PLEKHH1: variants seen among roughly 807,000 people sequenced by gnomAD.
The protein encoded by PLEKHH1 is pleckstrin homology domain-containing family H member 1.
In PLEKHH1, 104 loss-of-function variants were observed where a neutral mutation model predicts 160.0. The ratio of observed to expected loss-of-function variants is 0.65; its 90% confidence interval spans 0.55 to 0.76. The LOEUF (loss-of-function observed/expected upper bound fraction) is 0.76. Among genes scored for constraint, PLEKHH1 ranks in the 30% least tolerant of loss-of-function variants. The pLI, the probability that PLEKHH1 is intolerant of heterozygous loss-of-function variation, is 0.00. For missense variants in PLEKHH1, 1,427 were observed against 1,724.1 expected (o/e 0.83, Z 3.05); for synonymous variants, 619 against 678.4 (o/e 0.91, Z 1.36).
intron 2 of PLEKHH1, among the ~76,000 whole-genome samples, chr14:67,552,213 C>T (rs2034420071): frequency 6.6e-6 from 1 of 152,148 alleles, no homozygotes; most frequent in African/African-American, 2.4e-5. Flanking sequence ...TGGCGTGTTA[C>T]CCCAGACCCA....
chr14:67,583,146 G>A (rs2140542715), intron 24 of PLEKHH1, among the ~76,000 whole-genome samples: 1 of 152,222 alleles, frequency 6.6e-6, no homozygotes, highest in African/African-American at 2.4e-5. Context: ...TAAGAATCTG[G>A]ATTTACATGC....
At chr14:67,571,959 C>T in intron 10 of PLEKHH1, 57 bp downstream of exon 10, 1 of 1,548,250 alleles carries the variant, frequency 6.5e-7, no homozygotes. Context: ...TCACCTCTTC[C>T]CATGGGCACT....
At chr14:67,583,632 C>A in intron 24 of PLEKHH1, 109 bp from the exon 25 acceptor site, 2 of 757,536 alleles carry the variant, frequency 2.6e-6, no homozygotes, top group Non-Finnish European at 4.1e-6. Context: ...ACCACTCGCA[C>A]CCCACCAATA....
At chr14:67,549,069 T>C (rs1324872317) in intron 2 of PLEKHH1, among the ~76,000 whole-genome samples, 1 of 152,170 alleles carries the variant, frequency 6.6e-6, no homozygotes, top group East Asian at 1.9e-4. Context: ...AAATATCTCA[T>C]ACTTTGTGAC....
Position 67,573,681 on chromosome 14 carries a change from C to A in PLEKHH1, c.1840-120C>A. On this transcript the variant is annotated intron_variant, in intron 12 of 28. Transcript: ENST00000329153. The surrounding 1 kb of genome is among the most constrained non-coding windows in gnomAD (Gnocchi z 4.8). ...AATAAGTCACCCATCATAACACAGC[C>A]AGAATGCTGGGAATCATGTTTCCCT... 1 of 748,706 alleles carries A rather than the reference C, an allele frequency of 1.3e-6. No individual in the cohort carries two copies. Among genetic ancestry groups the A allele is most frequent in the Non-Finnish European group, 2.4e-6 (1 of 415,432 alleles). 46.4% of individuals were successfully genotyped at this position (748,706 alleles called of 1,614,324 possible). A position where few individuals can be genotyped will look rare whatever the true frequency, so the allele number is the denominator to read the frequency against.
chr14:67,572,524 A>G (rs115324476), intron 11 of PLEKHH1, among the ~76,000 whole-genome samples: 4,808 of 152,252 alleles, frequency 0.032, 242 homozygotes, highest in African/African-American at 0.1. Context: ...CTGAGAGCCT[A>G]CTGTGGCCCA....
chr14:67,560,061 C>G (rs1228559272), intron 5 of PLEKHH1, among the ~76,000 whole-genome samples: 1 of 152,202 alleles, frequency 6.6e-6, no homozygotes, highest in Non-Finnish European at 1.5e-5. Context: ...GAGTCTCGCT[C>G]TCTCGCCCAG....
In PLEKHH1 at chr14:67,582,184, C is replaced by T; in HGVS notation, c.3400C>T (p.Leu1134Phe). ...GRFPINKELA[L>F]EMAALMAQVE... ...GTTTCCTATCAACAAGGAATTGGCT[C>T]TTGAGATGGCTGCCCTGATGGCCCA... Residue 1134 changes from leucine (L) to phenylalanine (F), a missense_variant, in exon 24 of 29, where the codon CTT (leucine) becomes TTT (phenylalanine). Leu to Phe is a conservative substitution (Grantham distance 22, BLOSUM62 0). Around this residue, in one of 6 missense-constraint regions of PLEKHH1, gnomAD observed 436 missense variants for 607.5 expected, o/e 0.72. Transcript: ENST00000329153. This position sits in a 1 kb window ranked among gnomAD's most constrained non-coding sequence, Gnocchi z 5.0. 1 of 1,613,630 alleles carries T rather than the reference C, an allele frequency of 6.2e-7. No homozygotes were observed. Among genetic ancestry groups the T allele is most frequent in the South Asian group, 1.1e-5 (1 of 91,032 alleles).
intron 7 of PLEKHH1, among the ~76,000 whole-genome samples, chr14:67,564,738 G>T (rs577810974): frequency 7.8e-4 from 118 of 151,196 alleles, no homozygotes; most frequent in African/African-American, 2.7e-3. Context: ...GCCCAGGCTG[G>T]AGTGCAATGG....
chr14:67,578,001 G>C lies in PLEKHH1; in HGVS notation c.2575-22G>C. 6.2e-7 allele frequency: 1 copy of C among 1,607,354 alleles called. No individual in the cohort carries two copies. The highest frequency in any genetic ancestry group is 8.5e-7 in the Non-Finnish European group (1 of 1,176,262). ...ACCCAGGGGATGCTGGTCTGCCTGT[G>C]CTCACTGCTGTTCCCTCCCAGTCCT... On this transcript the variant is annotated intron_variant, in intron 18 of 28. Coordinates refer to ENST00000329153, the MANE Select transcript of PLEKHH1 (RefSeq NM_020715.3). The surrounding 1 kb of genome is among the most constrained non-coding windows in gnomAD (Gnocchi z 5.0).
In PLEKHH1 at chr14:67,586,019, TGTG is replaced by T; in HGVS notation, c.3856_3858del (p.Val1286del). On this transcript the variant is annotated inframe_deletion, in exon 28 of 29. Transcript: ENST00000329153. ...GTGGCTGCAGGGATGACTTCATGCTTGTGATTAGATCTATCCCAGACAAGAGCT... is the reference window on the plus strand; with the variant it reads ...GTGGCTGCAGGGATGACTTCATGCTTATTAGATCTATCCCAGACAAGAGCT... 1 of 1,613,844 alleles carries T rather than the reference TGTG, an allele frequency of 6.2e-7. No individual in the cohort carries two copies. Among genetic ancestry groups the T allele is most frequent in the Admixed American group, 1.7e-5 (1 of 60,016 alleles).
At position 67,545,623 on chromosome 14, in the gene PLEKHH1, T is replaced by C. The variant is rs552610903; in HGVS notation, c.126+3630T>C. Among the ~76,000 whole-genome samples the C allele has an allele frequency of 3.9e-5, 6 of 152,326 alleles. No homozygotes were observed. The South Asian group carries it at 1.0e-3, about 26-fold the overall frequency. The stretch of plus-strand genomic sequence containing the variant: ...TCACAGGGTGACATATATTGCAGCA[T>C]TGATGTATGAAAATTTGGAAACATT... On this transcript the variant is annotated intron_variant, in intron 2 of 28. Transcript: ENST00000329153.
chr14:67,559,423 T>C (rs530218168), intron 4 of PLEKHH1, among the ~76,000 whole-genome samples, 185 bp from the exon 5 acceptor site: 1 of 152,312 alleles, frequency 6.6e-6, no homozygotes, highest in East Asian at 1.9e-4. Context: ...CTTAGACTAT[T>C]TCCAGTTTTG....
In PLEKHH1 at chr14:67,577,309, G is replaced by C. The variant is rs145778193; in HGVS notation, c.2469G>C (p.Pro823=). 1 of 1,564,954 alleles carries C rather than the reference G, an allele frequency of 6.4e-7. No homozygotes were observed. Among genetic ancestry groups the C allele is most frequent in the South Asian group, 1.2e-5 (1 of 84,810 alleles). The change falls in exon 18 of 29, where the codon CCG becomes CCC. Residue 823 remains proline, a synonymous_variant. Transcript: ENST00000329153. The part of the protein sequence containing the change: ...LMDGEGDPDS[P]LWRHPMLCYS... ...GTTCCGTGCTTTGGGCAGATTCGCCGCTCTGGAGGCACCCCATGCTGTGCT... is the reference window on the plus strand; with the variant it reads ...GTTCCGTGCTTTGGGCAGATTCGCCCCTCTGGAGGCACCCCATGCTGTGCT...
intron 11 of PLEKHH1, 23 bp downstream of exon 11, chr14:67,572,300 G>C (rs773470102): frequency 1.3e-6 from 2 of 1,567,218 alleles, no homozygotes; most frequent in Admixed American, 1.8e-5. Flanking sequence ...ACGGGCGGGG[G>C]CAGGGTGGAA....
At chr14:67,561,061 C>T (rs896099976) in intron 5 of PLEKHH1, among the ~76,000 whole-genome samples, 1 of 152,166 alleles carries the variant, frequency 6.6e-6, no homozygotes, top group Non-Finnish European at 1.5e-5. Context: ...TCTGTCCTCA[C>T]ACAAGTGGTT....
chr14:67,543,165 G>C (rs1383465222), intron 2 of PLEKHH1, among the ~76,000 whole-genome samples: 2 of 152,140 alleles, frequency 1.3e-5, no homozygotes, highest in Non-Finnish European at 2.9e-5. Flanking sequence ...TCTTTCATAA[G>C]TACAAAGGGA....
At chr14:67,540,541 A>G (rs946763769) in intron 1 of PLEKHH1, among the ~76,000 whole-genome samples, 3 of 151,848 alleles carry the variant, frequency 2.0e-5, no homozygotes, top group East Asian at 1.9e-4. Flanking sequence ...CATGAGAATC[A>G]CTTGAAGCCA....
intron 3 of PLEKHH1, among the ~76,000 whole-genome samples, chr14:67,556,451 A>AT (rs2034597606): frequency 6.6e-6 from 1 of 152,020 alleles, no homozygotes; most frequent in Non-Finnish European, 1.5e-5. Flanking sequence ...TATTTATTTT[A>AT]TTTTTTAAAT....
Sources: allele counts gnomAD v4.1 joint callset (sites outside exome capture counted in the v4.1 genomes callset), GRCh38; gene constraint gnomAD v4.1.1; regional missense constraint gnomAD v4.1.1; non-coding constraint Gnocchi (gnomAD v3.1); transcripts MANE v1.5; gene names NCBI Gene and HGNC (gene_info 2026-07-23, HGNC 2026-07-21).